The following RSPH6A variants were observed in gnomAD, a reference collection of about 807,000 sequenced individuals.
RSPH6A encodes the protein radial spoke head protein 6 homolog A.
RSPH6A carries 49 observed loss-of-function variants against 66.1 expected under a neutral mutation model. The observed-to-expected ratio is 0.74, with a 90% confidence interval of 0.59 to 0.94. The LOEUF is 0.94. RSPH6A is among the 40% of genes least tolerant of loss of function. The pLI is 0.00. For missense variants in RSPH6A, 977 were observed against 948.3 expected (o/e 1.03, Z -0.40); for synonymous variants, 419 against 402.4 (o/e 1.04, Z -0.49).
In RSPH6A at chr19:45,814,840, C is replaced by T. The variant is rs776692589; in HGVS notation, c.337G>A (p.Glu113Lys). ...TGCAGCATTAGGCTGGTGGTGAGCTCGGCGACCTGCATCCTGCTTTCATCA... is the reference window on the plus strand; with the variant it reads ...TGCAGCATTAGGCTGGTGGTGAGCTTGGCGACCTGCATCCTGCTTTCATCA... ...YSDESRMQVA[E>K]LTTSLMLQRL... The change falls in exon 1 of 6, where the codon GAG becomes AAG. Residue 113 changes from glutamate to lysine, a missense_variant. By Grantham distance (56) the Glu-to-Lys change is moderately conservative. Coordinates refer to ENST00000221538, the MANE Select transcript of RSPH6A (RefSeq NM_030785.4). 1.1e-5 allele frequency: 18 copies of T among 1,613,958 alleles called. No individual in the cohort carries two copies. Among genetic ancestry groups the T allele is most frequent in the Admixed American group, 5.0e-5 (3 of 60,000 alleles).
Position 45,798,291 on chromosome 19 carries a change from G to A in RSPH6A, c.1916+2155C>T, listed in dbSNP as rs141959193. ...GGAGGACGGCTTGAACCTGGGAGGCGGAGGATGCAGTGAGTTGAGATCGCA... is the reference window on the plus strand; with the variant it reads ...GGAGGACGGCTTGAACCTGGGAGGCAGAGGATGCAGTGAGTTGAGATCGCA... On this transcript the variant is annotated intron_variant, in intron 5 of 5. Transcript: ENST00000221538. Among the ~76,000 whole-genome samples, 413 of 152,042 alleles carry A rather than the reference G, an allele frequency of 2.7e-3. 4 individuals are homozygous for A. The highest frequency in any genetic ancestry group is 9.1e-3 in the African/African-American group (379 of 41,468).
At chr19:45,798,054 C>A (rs1467311057) in intron 5 of RSPH6A, among the ~76,000 whole-genome samples, 2 of 151,926 alleles carry the variant, frequency 1.3e-5, no homozygotes, top group South Asian at 2.1e-4. Context: ...GAGAGGGAGA[C>A]AGAGACTGAT....
At chr19:45,808,150 G>A (rs1051144983) in intron 2 of RSPH6A, among the ~76,000 whole-genome samples, 1 of 152,202 alleles carries the variant, frequency 6.6e-6, no homozygotes, top group African/African-American at 2.4e-5. Flanking sequence ...GATGTGGGCG[G>A]GCGCCATGGC....
chr19:45,810,046 C>T (rs1185856720), intron 2 of RSPH6A, among the ~76,000 whole-genome samples: 5 of 152,330 alleles, frequency 3.3e-5, no homozygotes, highest in African/African-American at 9.6e-5. Context: ...TGGTGGCTCA[C>T]GCCTGTAATC....
chr19:45,804,434 C>A lies in RSPH6A; in HGVS notation c.1471G>T (p.Ala491Ser). The change falls in exon 3 of 6, where the codon GCC (alanine) becomes TCC (serine). Residue 491 changes from alanine (A) to serine (S), a missense_variant. Transcript: ENST00000221538. This position sits in a 1 kb window ranked among gnomAD's most constrained non-coding sequence, Gnocchi z 5.8. ...AAGCCCAGCGGGCTGACCTGCGTGG[C>A]GGCCGAGATGCGGGCTATCTGGGCC... ...LRAQIARISA[A>S]TQVSPLGFYQ... is the part of the protein sequence containing the mutation. 4.3e-6 allele frequency: 7 copies of A among 1,614,122 alleles called. No homozygotes were observed. Among genetic ancestry groups the A allele is most frequent in the South Asian group, 3.3e-5 (3 of 91,070 alleles).
chr19:45,812,668 G>A lies in RSPH6A; in HGVS notation c.651-1828C>T, dbSNP rs531036678. Among the ~76,000 whole-genome samples, 18 of 152,116 alleles carry A rather than the reference G, an allele frequency of 1.2e-4. 1 individual carries two copies. The South Asian group carries it at 2.1e-3, about 18-fold the overall frequency. On this transcript the variant is annotated intron_variant, in intron 1 of 5. Coordinates refer to ENST00000221538, the MANE Select transcript of RSPH6A (RefSeq NM_030785.4). ...TGACTAGAAATCAAGTTTGGTCAGC[G>A]GCCAGGGGCTGAACCACGTAAGGCC...
chr19:45,796,032 G>A lies in RSPH6A; in HGVS notation c.1991C>T (p.Pro664Leu), dbSNP rs1352706644. The change falls in exon 6 of 6, where the codon CCC (proline) becomes CTC (leucine). Residue 664 changes from proline (P) to leucine (L), a missense_variant. Pro to Leu is a moderately conservative substitution (Grantham distance 98). Transcript: ENST00000221538. ...PESFNPALPA[P>L]IQQEYPSGPE... ...GCCACTGGGGTACTCTTGTTGAATG[G>A]GGGCTGGCAGGGCCGGGTTGAAGCT... 3 of 1,613,764 alleles carry A rather than the reference G, an allele frequency of 1.9e-6. No individual in the cohort carries two copies. Among genetic ancestry groups the A allele is most frequent in the South Asian group, 2.2e-5 (2 of 91,060 alleles).
intron 2 of RSPH6A, among the ~76,000 whole-genome samples, chr19:45,806,012 T>C (rs1388280068): frequency 6.6e-6 from 1 of 152,192 alleles, no homozygotes; most frequent in African/African-American, 2.4e-5. Context: ...CCCAGTAGCA[T>C]TGCTCAGCTG....
chr19:45,811,380 C>T (rs1970625777), intron 1 of RSPH6A, among the ~76,000 whole-genome samples: 1 of 151,470 alleles, frequency 6.6e-6, no homozygotes, highest in Non-Finnish European at 1.5e-5. Flanking sequence ...TAGGGTGACA[C>T]ATATAGTACT....
intron 1 of RSPH6A, among the ~76,000 whole-genome samples, 194 bp downstream of exon 1, chr19:45,814,333 A>AGG (rs1181686704): frequency 6.6e-6 from 1 of 152,138 alleles, no homozygotes; most frequent in Admixed American, 6.5e-5. Context: ...GAATTAGGTG[A>AGG]GTGTGTGCAG....
In RSPH6A at chr19:45,804,633, G is replaced by A; in HGVS notation, c.1272C>T (p.Asn424=). The change falls in exon 3 of 6, where the codon AAC becomes AAT. Residue 424 remains asparagine, a synonymous_variant. Transcript: ENST00000221538. This position sits in a 1 kb window ranked among gnomAD's most constrained non-coding sequence, Gnocchi z 5.8. The part of the protein sequence containing the change: ...IPKEESRSGA[N]KYLYFVCNEP... ...CGTTGCACACAAAGTACAGGTACTT[G>A]TTGGCGCCTGAGCGGCTCTCCTCCT... The A allele has an allele frequency of 6.2e-7, 1 of 1,614,154 alleles. No individual in the cohort carries two copies.
chr19:45,801,618 G>A (rs1970474887), intron 4 of RSPH6A, among the ~76,000 whole-genome samples: 1 of 152,122 alleles, frequency 6.6e-6, no homozygotes, highest in Non-Finnish European at 1.5e-5. Context: ...AAAGTTATCT[G>A]GGCGTGGTGG....
At chr19:45,811,149 A>C (rs1970622460) in intron 1 of RSPH6A, among the ~76,000 whole-genome samples, 1 of 151,622 alleles carries the variant, frequency 6.6e-6, no homozygotes, top group African/African-American at 2.4e-5. Flanking sequence ...GCCCGCCACC[A>C]CGCCTGGTTA....
In RSPH6A at chr19:45,815,050, T is replaced by C; in HGVS notation, c.127A>G (p.Arg43Gly). 6.2e-7 allele frequency: 1 copy of C among 1,613,546 alleles called. No individual in the cohort carries two copies. The highest frequency in any genetic ancestry group is 8.5e-7 in the Non-Finnish European group (1 of 1,179,996). ...TGGGCGTCTGGAGGTATCTGCTGCC[T>C]CTCCTCGGGGTCCGCTGCCAGGGCC... ...AQALAADPEERQQIPPDAQRN... is the reference protein window; with the variant it reads ...AQALAADPEEGQQIPPDAQRN... Residue 43 changes from arginine (R) to glycine (G), a missense_variant, in exon 1 of 6, where the codon AGG becomes GGG. Coordinates refer to ENST00000221538, the MANE Select transcript of RSPH6A (RefSeq NM_030785.4).
intron 2 of RSPH6A, among the ~76,000 whole-genome samples, chr19:45,807,966 T>C (rs1373062901): frequency 1.3e-5 from 2 of 152,226 alleles, no homozygotes; most frequent in African/African-American, 4.8e-5. Context: ...AGTCCTAGAC[T>C]ACACCTGACG....
chr19:45,796,034 G>A lies in RSPH6A; in HGVS notation c.1989C>T (p.Ala663=), dbSNP rs778403188. The A allele has an allele frequency of 6.2e-7, 1 of 1,613,732 alleles. No individual in the cohort carries two copies. Among genetic ancestry groups the A allele is most frequent in the Non-Finnish European group, 8.5e-7 (1 of 1,179,780 alleles). The part of the protein sequence containing the change: ...SPESFNPALP[A]PIQQEYPSGP... Reference sequence around the variant, plus strand: ...CACTGGGGTACTCTTGTTGAATGGGGGCTGGCAGGGCCGGGTTGAAGCTCT... The same window carrying A: ...CACTGGGGTACTCTTGTTGAATGGGAGCTGGCAGGGCCGGGTTGAAGCTCT... The change falls in exon 6 of 6, where the codon GCC becomes GCT. Residue 663 remains alanine (A), a synonymous_variant. Coordinates refer to ENST00000221538, the MANE Select transcript of RSPH6A (RefSeq NM_030785.4).
rs759326480 is a variant in RSPH6A at position 45,804,446 on chromosome 19, G to A, written c.1459C>T (p.Arg487Cys). 7 of 1,613,942 alleles carry A rather than the reference G, an allele frequency of 4.3e-6. No individual in the cohort carries two copies. Among genetic ancestry groups the A allele is most frequent in the Middle Eastern group, 1.7e-4 (1 of 6,060 alleles). Residue 487 changes from arginine (R) to cysteine (C), a missense_variant, in exon 3 of 6, where the codon CGC becomes TGC. Coordinates refer to ENST00000221538, the MANE Select transcript of RSPH6A (RefSeq NM_030785.4). This position sits in a 1 kb window ranked among gnomAD's most constrained non-coding sequence, Gnocchi z 5.8. Reference sequence around the variant, plus strand: ...CTGACCTGCGTGGCGGCCGAGATGCGGGCTATCTGGGCCCGCAGGTAGTTG... The same window carrying A: ...CTGACCTGCGTGGCGGCCGAGATGCAGGCTATCTGGGCCCGCAGGTAGTTG... Reference protein sequence around the residue: ...EANYLRAQIARISAATQVSPL... With the variant: ...EANYLRAQIACISAATQVSPL...
At position 45,805,016 on chromosome 19, in the gene RSPH6A, C is replaced by G. The variant is rs766024656; in HGVS notation, c.889G>C (p.Gly297Arg). The change falls in exon 3 of 6, where the codon GGG (glycine) becomes CGG (arginine). Residue 297 changes from glycine to arginine, a missense_variant and splice_region_variant. Coordinates refer to ENST00000221538, the MANE Select transcript of RSPH6A (RefSeq NM_030785.4). ...ATGATGTTGGGCACTGGTGTCTCCC[C>G]CTGCGCAGGGTAGGGTGGAGGGCAG... ...EGEQEMEEEV[G>R]ETPVPNIMET... 4 of 1,606,458 alleles carry G rather than the reference C, an allele frequency of 2.5e-6. No individual in the cohort carries two copies. In the African/African-American group the frequency reaches 5.3e-5, roughly 21 times the overall value.
At chr19:45,798,539 CAAAAA>C (rs35898926) in intron 5 of RSPH6A, among the ~76,000 whole-genome samples, 2 of 100,242 alleles carry the variant, frequency 2.0e-5, no homozygotes, top group African/African-American at 4.1e-5. Flanking sequence ...GACCCTATCT[CAAAAA>C]AAAAAAAAAA....
Sources: allele counts gnomAD v4.1 joint callset (sites outside exome capture counted in the v4.1 genomes callset), GRCh38; gene constraint gnomAD v4.1.1; non-coding constraint Gnocchi (gnomAD v3.1); transcripts MANE v1.5; gene names NCBI Gene and HGNC (gene_info 2026-07-23, HGNC 2026-07-21).